The following CSF2 variants were observed in gnomAD, a reference collection of about 807,000 sequenced individuals.
The protein encoded by CSF2 is granulocyte-macrophage colony-stimulating factor.
A neutral mutation model predicts 13.5 loss-of-function variants in CSF2; 2 were observed. The observed-to-expected ratio is 0.15, with a 90% confidence interval of 0.06 to 0.47. CSF2 has a LOEUF of 0.47. CSF2 is among the 20% of genes least tolerant of loss of function. The pLI, the probability that CSF2 is intolerant of heterozygous loss-of-function variation, is 0.97. For synonymous variants in CSF2, 66 were observed against 69.2 expected (o/e 0.95, Z 0.23); for missense variants, 141 against 179.7 (o/e 0.78, Z 1.23).
Position 132,073,984 on chromosome 5 carries a change from TA to T in CSF2, c.159+4del, listed in dbSNP as rs763741354. The T allele has an allele frequency of 6.2e-7, 1 of 1,613,580 alleles. No individual in the cohort carries two copies. The highest frequency in any genetic ancestry group is 8.5e-7 in the Non-Finnish European group (1 of 1,180,024). ...AGTAGAGACACTGCTGCTGAGATGG[TA>T]AGTGAGAGAATGTGGGCCTGTGCCT... On this transcript the variant is annotated splice_donor_region_variant and intron_variant, in intron 1 of 3. Coordinates refer to ENST00000296871, the MANE Select transcript of CSF2 (RefSeq NM_000758.4).
At chr5:132,075,383 G>A (rs1756691183) in intron 3 of CSF2, among the ~76,000 whole-genome samples, 1 of 152,254 alleles carries the variant, frequency 6.6e-6, no homozygotes, top group African/African-American at 2.4e-5. Flanking sequence ...CTTCCTGCGG[G>A]AAGGGAGCAA....
intron 2 of CSF2, 36 bp downstream of exon 2, chr5:132,074,158 C>T (rs1432017482): frequency 2.5e-6 from 4 of 1,612,034 alleles, no homozygotes; most frequent in African/African-American, 1.3e-5. Flanking sequence ...TTTCCAGAAG[C>T]CCCTGCCCTG....
chr5:132,074,623 G>A (rs1002165189), intron 2 of CSF2, among the ~76,000 whole-genome samples, 187 bp from the exon 3 acceptor site: 3 of 152,162 alleles, frequency 2.0e-5, no homozygotes, highest in Non-Finnish European at 4.4e-5. Flanking sequence ...TGGCCTGGGC[G>A]GGGCAGTGAG....
At chr5:132,075,010 T>A in intron 3 of CSF2, 75 bp downstream of exon 3, 1 of 1,606,222 alleles carries the variant, frequency 6.2e-7, no homozygotes, top group South Asian at 1.1e-5. Context: ...GAGAGATCTA[T>A]GGCTGTGGCT....
rs769838857 is a variant in CSF2 at position 132,075,853 on chromosome 5, G to C, written c.*1G>C. 1.2e-6 allele frequency: 2 copies of C among 1,604,888 alleles called. No homozygotes were observed. The highest frequency in any genetic ancestry group is 1.7e-6 in the Non-Finnish European group (2 of 1,176,194). On this transcript the variant is annotated 3_prime_UTR_variant, in exon 4 of 4. Coordinates refer to ENST00000296871, the MANE Select transcript of CSF2 (RefSeq NM_000758.4). The stretch of plus-strand genomic sequence containing the variant: ...CTGCTGGGAGCCAGTCCAGGAGTGA[G>C]ACCGGCCAGATGAGGCTGGCCAAGC...
intron 3 of CSF2, 37 bp from the exon 4 acceptor site, chr5:132,075,708 C>A: frequency 6.7e-7 from 1 of 1,494,552 alleles, no homozygotes; most frequent in Non-Finnish European, 9.2e-7. Flanking sequence ...ACCCACTTGC[C>A]TGGACTCAAG....
intron 1 of CSF2, 40 bp from the exon 2 acceptor site, chr5:132,074,027 CCCTGACTGGCCACG>C: frequency 1.2e-6 from 2 of 1,613,692 alleles, no homozygotes; most frequent in Non-Finnish European, 1.7e-6. Context: ...CCCAGCTGGC[CCCTGACTGGCCACG>C]CCTGTCAGCT....
chr5:132,074,703 G>C (rs954298112), intron 2 of CSF2, 107 bp from the exon 3 acceptor site: 1 of 1,574,586 alleles, frequency 6.4e-7, no homozygotes, highest in African/African-American at 1.3e-5. Flanking sequence ...CCCCTCCCAA[G>C]CCCTACTCCT....
At position 132,073,903 on chromosome 5, in the gene CSF2, C is replaced by T. The variant is rs145293289; in HGVS notation, c.80C>T (p.Thr27Met). ...CCCGCCCGCTCGCCCAGCCCCAGCA[C>T]GCAGCCCTGGGAGCATGTGAATGCC... ...SAPARSPSPS[T>M]QPWEHVNAIQ... is the part of the protein sequence containing the mutation. Residue 27 changes from threonine to methionine, a missense_variant, in exon 1 of 4, where the codon ACG becomes ATG. Thr to Met is a moderately conservative substitution (Grantham distance 81, BLOSUM62 -1). Transcript: ENST00000296871. 32 of 1,613,264 alleles carry T rather than the reference C, an allele frequency of 2.0e-5. No individual in the cohort carries two copies. Among genetic ancestry groups the T allele is most frequent in the South Asian group, 9.9e-5 (9 of 91,090 alleles).
Position 132,075,838 on chromosome 5 carries a change from C to G in CSF2, c.421C>G (p.Pro141Ala). 1 of 1,609,374 alleles carries G rather than the reference C, an allele frequency of 6.2e-7. No homozygotes were observed. Among genetic ancestry groups the G allele is most frequent in the Non-Finnish European group, 8.5e-7 (1 of 1,178,990 alleles). Residue 141 changes from proline to alanine, a missense_variant, in exon 4 of 4, where the codon CCA (proline) becomes GCA (alanine). Physicochemically the swap from Pro to Ala is conservative, Grantham distance 27 (BLOSUM62 -1). Transcript: ENST00000296871. ...TGTCATCCCCTTTGACTGCTGGGAG[C>G]CAGTCCAGGAGTGAGACCGGCCAGA... Reference protein sequence around the residue: ...LLVIPFDCWEPVQE With the variant: ...LLVIPFDCWEAVQE
rs752247728 is a variant in CSF2 at position 132,075,727 on chromosome 5, A to C, written c.328-18A>C. 19 of 1,585,474 alleles carry C rather than the reference A, an allele frequency of 1.2e-5. No homozygotes were observed. The highest frequency in any genetic ancestry group is 1.6e-5 in the Non-Finnish European group (19 of 1,164,580). On this transcript the variant is annotated intron_variant, in intron 3 of 3. Transcript: ENST00000296871. ...ACTTGCCTGGACTCAAGTGTTTTTT[A>C]TTTTTCTTTTTTTAAAGGAAACTTC...
intron 2 of CSF2, 53 bp from the exon 3 acceptor site, chr5:132,074,757 G>A (rs1255851605): frequency 6.2e-7 from 1 of 1,613,464 alleles, no homozygotes; most frequent in Non-Finnish European, 8.5e-7. Context: ...GAGAGTTCTT[G>A]TACCACTGTG....
Position 132,074,924 on chromosome 5 carries a change from C to A in CSF2, c.316C>A (p.Pro106Thr), listed in dbSNP as rs766328271. 6.2e-7 allele frequency: 1 copy of A among 1,613,522 alleles called. No individual in the cohort carries two copies. The highest frequency in any genetic ancestry group is 1.7e-5 in the Admixed American group (1 of 60,032). ...GGCCAGCCACTACAAGCAGCACTGCCCTCCAACCCCGGTGAGTGCCTACGG... is the reference window on the plus strand; with the variant it reads ...GGCCAGCCACTACAAGCAGCACTGCACTCCAACCCCGGTGAGTGCCTACGG... ...MMASHYKQHC[P>T]PTPETSCATQ... The change falls in exon 3 of 4, where the codon CCT (proline) becomes ACT (threonine). Residue 106 changes from proline to threonine, a missense_variant. Physicochemically the swap from Pro to Thr is conservative, Grantham distance 38. Transcript: ENST00000296871.
chr5:132,075,171 T>G (rs1032486087), intron 3 of CSF2, among the ~76,000 whole-genome samples: 1 of 152,206 alleles, frequency 6.6e-6, no homozygotes, highest in African/African-American at 2.4e-5. Context: ...CCTATCCTGG[T>G]CATTATTGTC....
chr5:132,075,179 G>A (rs927060469), intron 3 of CSF2, among the ~76,000 whole-genome samples: 4 of 152,220 alleles, frequency 2.6e-5, no homozygotes, highest in Admixed American at 1.3e-4. Context: ...GGTCATTATT[G>A]TCATTATGGT....
rs1323796298 is a variant in CSF2, at chr5:132,074,882, G to A, written c.274G>A (p.Gly92Ser). 5 of 1,613,452 alleles carry A rather than the reference G, an allele frequency of 3.1e-6. No individual in the cohort carries two copies. Among genetic ancestry groups the A allele is most frequent in the Non-Finnish European group, 2.5e-6 (3 of 1,180,024 alleles). Residue 92 changes from glycine (G) to serine (S), a missense_variant, in exon 3 of 4, where the codon GGC (glycine) becomes AGC (serine). Transcript: ENST00000296871. ...GCGGGGCAGCCTCACCAAGCTCAAG[G>A]GCCCCTTGACCATGATGGCCAGCCA... ...GLRGSLTKLK[G>S]PLTMMASHYK...
intron 3 of CSF2, 120 bp from the exon 4 acceptor site, chr5:132,075,625 T>C: frequency 1.3e-6 from 1 of 791,692 alleles, no homozygotes; most frequent in Non-Finnish European, 2.1e-6. Flanking sequence ...GGGTGTGTCC[T>C]GGAGTGGGCC....
chr5:132,073,987 G>T lies in CSF2; in HGVS notation c.159+5G>T. On this transcript the variant is annotated splice_donor_5th_base_variant and intron_variant, in intron 1 of 3. Transcript: ENST00000296871. The stretch of plus-strand genomic sequence containing the variant: ...AGAGACACTGCTGCTGAGATGGTAA[G>T]TGAGAGAATGTGGGCCTGTGCCTAG... The T allele has an allele frequency of 5.0e-6, 8 of 1,613,644 alleles. No homozygotes were observed. The highest frequency in any genetic ancestry group is 6.8e-6 in the Non-Finnish European group (8 of 1,180,042).
intron 3 of CSF2, among the ~76,000 whole-genome samples, chr5:132,075,381 G>C (rs1325202297): frequency 6.6e-6 from 1 of 152,260 alleles, no homozygotes; most frequent in Non-Finnish European, 1.5e-5. Context: ...TCCTTCCTGC[G>C]GGAAGGGAGC....
Sources: gnomAD v4.1 joint callset for allele counts (sites outside exome capture counted in the v4.1 genomes callset) on GRCh38, gnomAD v4.1.1 for gene constraint, MANE v1.5 for transcripts, NCBI Gene and HGNC (gene_info 2026-07-23, HGNC 2026-07-21) for gene names.